SPAG17: variants seen among roughly 807,000 people sequenced by gnomAD.
SPAG17 encodes the protein sperm associated antigen 17.
Under a neutral mutation model 273.6 loss-of-function variants are expected in SPAG17, and 169 were observed. The observed-to-expected ratio is 0.62, with a 90% confidence interval of 0.55 to 0.70. SPAG17 has a LOEUF of 0.70. SPAG17 is among the 30% of genes least tolerant of loss of function. The pLI is 0.00. For synonymous variants in SPAG17, 825 were observed against 873.2 expected (o/e 0.94, Z 0.97); for missense variants, 2,557 against 2,627.8 (o/e 0.97, Z 0.59).
intron 28 of SPAG17, among the ~76,000 whole-genome samples, 155 bp downstream of exon 28, chr1:118,023,149 A>G (rs1647302157): frequency 2.6e-5 from 4 of 152,220 alleles, no homozygotes; most frequent in African/African-American, 9.6e-5. Context: ...ATTCTGTGAT[A>G]GCAAGAATTC....
intron 45 of SPAG17, among the ~76,000 whole-genome samples, chr1:117,970,772 G>A (rs999447956): frequency 6.6e-6 from 1 of 152,088 alleles, no homozygotes; most frequent in Non-Finnish European, 1.5e-5. Context: ...GCTCTATCGT[G>A]GCTGAATTAA....
At chr1:118,132,747 G>A (rs563969755) in intron 3 of SPAG17, among the ~76,000 whole-genome samples, 9 of 151,170 alleles carry the variant, frequency 6.0e-5, no homozygotes, top group Non-Finnish European at 1.3e-4. Flanking sequence ...GCAAAGCAGG[G>A]GAATAGGCAA....
At chr1:117,992,745 A>G (rs965291516) in intron 35 of SPAG17, 97 bp from the exon 36 acceptor site, 1 of 1,096,716 alleles carries the variant, frequency 9.1e-7, no homozygotes, top group African/African-American at 1.6e-5. Context: ...AGATATCATA[A>G]TAACTTTTTA....
At chr1:117,973,360 A>T in intron 44 of SPAG17, 65 bp downstream of exon 44, 1 of 1,565,882 alleles carries the variant, frequency 6.4e-7, no homozygotes, top group Non-Finnish European at 8.6e-7. Flanking sequence ...TGAAAAAAAT[A>T]AAAAATAAAG....
At chr1:118,173,798 T>G (rs1660535635) in intron 1 of SPAG17, among the ~76,000 whole-genome samples, 1 of 148,466 alleles carries the variant, frequency 6.7e-6, no homozygotes, top group South Asian at 2.1e-4. Context: ...AGGTCAAGGC[T>G]GCAGTGAGCC....
At chr1:118,015,768 T>A (rs1210670971) in intron 29 of SPAG17, among the ~76,000 whole-genome samples, 197 bp downstream of exon 29, 1 of 152,150 alleles carries the variant, frequency 6.6e-6, no homozygotes, top group Non-Finnish European at 1.5e-5. Flanking sequence ...AATGATACTC[T>A]CCATTTGGCA....
At chr1:118,074,036 C>CATTT in intron 16 of SPAG17, 69 bp from the exon 17 acceptor site, 20 of 1,022,846 alleles carry the variant, frequency 2.0e-5, no homozygotes, top group Non-Finnish European at 2.8e-5. Context: ...TCTTGGGCTC[C>CATTT]GTCAACTAAC....
intron 47 of SPAG17, 86 bp downstream of exon 47, chr1:117,966,523 A>C: frequency 3.6e-5 from 43 of 1,186,524 alleles, no homozygotes; most frequent in Non-Finnish European, 4.3e-5. Flanking sequence ...TTAATAAAGT[A>C]GAGATGCATT....
chr1:118,169,935 A>G (rs951485882), intron 1 of SPAG17, among the ~76,000 whole-genome samples: 2 of 152,218 alleles, frequency 1.3e-5, no homozygotes, highest in African/African-American at 2.4e-5. Context: ...TATAATAAGA[A>G]AAGGCTGTAA....
At chr1:118,077,898 AAGCACTGGTTTGAAGTT>A (rs1654235306) in intron 15 of SPAG17, among the ~76,000 whole-genome samples, 1 of 152,168 alleles carries the variant, frequency 6.6e-6, no homozygotes, top group African/African-American at 2.4e-5. Flanking sequence ...ACAGTGGAGG[AAGCACTGGTTTGAAGTT>A]AGCCCTCTGT....
chr1:118,045,760 G>A (rs993164755), intron 20 of SPAG17, among the ~76,000 whole-genome samples: 2 of 152,142 alleles, frequency 1.3e-5, no homozygotes, highest in African/African-American at 4.8e-5. Flanking sequence ...TTGTGGGAGT[G>A]AGTTAATCTA....
intron 38 of SPAG17, among the ~76,000 whole-genome samples, chr1:117,988,469 T>C (rs1205792983): frequency 6.6e-6 from 1 of 152,236 alleles, no homozygotes. Flanking sequence ...GGGGAAGTGG[T>C]GTTCTACTTA....
chr1:118,044,367 C>T (rs958857981), intron 20 of SPAG17, among the ~76,000 whole-genome samples: 4 of 151,826 alleles, frequency 2.6e-5, no homozygotes, highest in Non-Finnish European at 4.4e-5. Flanking sequence ...CGCCTGTAAT[C>T]CCAGCTACTC....
chr1:118,068,488 G>A (rs1653213623), intron 17 of SPAG17, among the ~76,000 whole-genome samples: 1 of 152,066 alleles, frequency 6.6e-6, no homozygotes, highest in African/African-American at 2.4e-5. Context: ...GATAATAAGA[G>A]CTTTGAAATC....
chr1:118,129,323 C>A (rs1388601375), intron 3 of SPAG17, among the ~76,000 whole-genome samples: 1 of 152,174 alleles, frequency 6.6e-6, no homozygotes, highest in Non-Finnish European at 1.5e-5. Context: ...TAAAAATTAA[C>A]CAGACAATAC....
At chr1:117,954,333 C>G (rs1320866785) in intron 48 of SPAG17, among the ~76,000 whole-genome samples, 2 of 151,936 alleles carry the variant, frequency 1.3e-5, no homozygotes, top group African/African-American at 4.8e-5. Flanking sequence ...GAGTAGAAAC[C>G]CACGTTCTAT....
At chr1:118,091,233 C>T (rs1367111389) in intron 10 of SPAG17, among the ~76,000 whole-genome samples, 2 of 152,058 alleles carry the variant, frequency 1.3e-5, no homozygotes, top group Non-Finnish European at 2.9e-5. Context: ...CTCAGAAATA[C>T]AAAAATCTAG....
chr1:118,095,306 C>T lies in SPAG17; in HGVS notation c.1012-1989G>A, dbSNP rs190508945. On this transcript the variant is annotated intron_variant, in intron 7 of 48. Transcript: ENST00000336338. ...TTCTGATGATGCAATGGACTGTACACGATTTTAGACTCTGCATTTCAGCTT... is the reference window on the plus strand; with the variant it reads ...TTCTGATGATGCAATGGACTGTACATGATTTTAGACTCTGCATTTCAGCTT... Among the ~76,000 whole-genome samples the T allele has an allele frequency of 4.3e-3, 653 of 152,218 alleles. 1 individual carries two copies. The highest frequency in any genetic ancestry group is 8.5e-3 in the African/African-American group (353 of 41,532).
chr1:118,140,516 TAAAG>T (rs1049424976), intron 3 of SPAG17, among the ~76,000 whole-genome samples: 10 of 152,064 alleles, frequency 6.6e-5, no homozygotes, highest in African/African-American at 1.9e-4. Context: ...CTATAAAACA[TAAAG>T]AAAGAAAAAA....
Sources: gnomAD v4.1 joint callset for allele counts (sites outside exome capture counted in the v4.1 genomes callset) on GRCh38, gnomAD v4.1.1 for gene constraint, MANE v1.5 for transcripts, NCBI Gene and HGNC (gene_info 2026-07-23, HGNC 2026-07-21) for gene names.